RNGTT: variants seen among roughly 807,000 people sequenced by gnomAD.
The protein encoded by RNGTT is mRNA-capping enzyme.
RNGTT carries 33 observed loss-of-function variants against 79.3 expected under a neutral mutation model. The ratio of observed to expected loss-of-function variants is 0.42; its 90% CI spans 0.32 to 0.56. The LOEUF (loss-of-function observed/expected upper bound fraction) is 0.56. Among genes scored for constraint, RNGTT ranks in the 20% least tolerant of loss-of-function variants. RNGTT has a pLI of 0.17. For synonymous variants in RNGTT, 222 were observed against 235.9 expected (o/e 0.94, Z 0.54); for missense variants, 497 against 739.1 (o/e 0.67, Z 3.80).
intron 4 of RNGTT, among the ~76,000 whole-genome samples, chr6:88,913,227 C>CAAAAAAAAAAAAA (rs869096332): frequency 4.5e-5 from 5 of 110,266 alleles, no homozygotes; most frequent in Non-Finnish European, 7.5e-5. Context: ...AAAAAAAAAA[C>CAAAAAAAAAAAAA]AAAAAAAAAA....
chr6:88,616,620 T>A (rs1479272374), intron 14 of RNGTT, among the ~76,000 whole-genome samples: 1 of 152,184 alleles, frequency 6.6e-6, no homozygotes, highest in Non-Finnish European at 1.5e-5. Context: ...TATCTCATTG[T>A]GGTCTTGATT....
At chr6:88,827,139 A>G (rs1780694982) in intron 11 of RNGTT, among the ~76,000 whole-genome samples, 1 of 151,912 alleles carries the variant, frequency 6.6e-6, no homozygotes, top group South Asian at 2.1e-4. Context: ...TGCAGCTCCC[A>G]GCGAGATCAA....
intron 14 of RNGTT, among the ~76,000 whole-genome samples, chr6:88,645,432 A>G (rs374038769): frequency 3.4e-4 from 51 of 152,182 alleles, no homozygotes; most frequent in African/African-American, 1.2e-3. Flanking sequence ...TACTGCCCAA[A>G]GTAATTTATA....
intron 14 of RNGTT, among the ~76,000 whole-genome samples, chr6:88,662,150 A>G (rs1156296739): frequency 6.6e-6 from 1 of 152,256 alleles, no homozygotes; most frequent in Non-Finnish European, 1.5e-5. Flanking sequence ...CATAGAGGAA[A>G]CACACCTTTA....
intron 9 of RNGTT, 120 bp downstream of exon 9, chr6:88,853,504 CAAAAA>C (rs878907929): frequency 3.7e-4 from 164 of 442,754 alleles, no homozygotes; most frequent in Middle Eastern, 6.3e-4. Flanking sequence ...GACTCCGTCT[CAAAAA>C]AAAAAAAAAA....
chr6:88,620,783 A>G (rs1294196243), intron 14 of RNGTT, among the ~76,000 whole-genome samples: 1 of 152,244 alleles, frequency 6.6e-6, no homozygotes, highest in East Asian at 1.9e-4. Flanking sequence ...CAGTGACAGG[A>G]GTTGGACACC....
intron 4 of RNGTT, among the ~76,000 whole-genome samples, chr6:88,919,154 G>A (rs111516058): frequency 1.0e-3 from 152 of 152,054 alleles, no homozygotes; most frequent in Non-Finnish European, 2.0e-3. Flanking sequence ...CCATTAATTA[G>A]GTATACTACA....
At chr6:88,901,290 A>G (rs1783449205) in intron 6 of RNGTT, among the ~76,000 whole-genome samples, 1 of 152,084 alleles carries the variant, frequency 6.6e-6, no homozygotes, top group South Asian at 2.1e-4. Context: ...CTCCAACTAT[A>G]TATTTAAGAA....
intron 1 of RNGTT, among the ~76,000 whole-genome samples, chr6:88,943,820 A>G (rs1312845973): frequency 1.3e-5 from 2 of 152,182 alleles, no homozygotes; most frequent in East Asian, 3.8e-4. Flanking sequence ...AGTCCCCTGT[A>G]AATACCCTTA....
Position 88,929,081 on chromosome 6 carries a change from T to C in RNGTT, c.279-8A>G, listed in dbSNP as rs764676470. On this transcript the variant is annotated splice_region_variant and splice_polypyrimidine_tract_variant and intron_variant, in intron 3 of 15. Transcript: ENST00000369485. ...GTAGGGCACTCACCATGTCTAGTAA[T>C]ATAGAAAAAGTTTTTTTGAAAAAAG... The C allele has an allele frequency of 1.4e-5, 23 of 1,606,696 alleles. No homozygotes were observed. In the South Asian group the frequency reaches 2.1e-4, roughly 15 times the overall value.
At chr6:88,740,236 G>C (rs567224210) in intron 13 of RNGTT, among the ~76,000 whole-genome samples, 4 of 152,066 alleles carry the variant, frequency 2.6e-5, no homozygotes, top group African/African-American at 7.2e-5. Flanking sequence ...ATGAAAACGG[G>C]ATCAGGCATG....
intron 8 of RNGTT, among the ~76,000 whole-genome samples, chr6:88,855,632 C>T (rs1345754677): frequency 2.0e-5 from 3 of 152,014 alleles, no homozygotes; most frequent in Non-Finnish European, 2.9e-5. Context: ...GAGCTCAGGC[C>T]CTTGCTATAA....
rs117036296 is a variant in RNGTT at position 88,711,844 on chromosome 6, T to C, written c.1440-33425A>G. 8.1e-3 allele frequency among the ~76,000 whole-genome samples: 1,227 copies of C among 152,352 alleles called. 6 individuals carry two copies. Among genetic ancestry groups the C allele is most frequent in the Middle Eastern group, 0.034 (10 of 294 alleles). Reference sequence around the variant, plus strand: ...ACCTATTGTGTGGTAGGCACTGTTATAGTTGGATTGGATATCTAAATGGCA... The same window carrying C: ...ACCTATTGTGTGGTAGGCACTGTTACAGTTGGATTGGATATCTAAATGGCA... On this transcript the variant is annotated intron_variant, in intron 13 of 15. Coordinates refer to ENST00000369485, the MANE Select transcript of RNGTT (RefSeq NM_003800.5).
At chr6:88,844,635 T>C (rs531195771) in intron 10 of RNGTT, 114 bp from the exon 11 acceptor site, 2 of 959,156 alleles carry the variant, frequency 2.1e-6, no homozygotes, top group Admixed American at 2.5e-5. Context: ...TCCTCTGGAG[T>C]TATTCAGTGC....
intron 1 of RNGTT, among the ~76,000 whole-genome samples, chr6:88,943,935 G>A (rs1434289375): frequency 6.6e-6 from 1 of 152,194 alleles, no homozygotes; most frequent in Non-Finnish European, 1.5e-5. Flanking sequence ...ATATGTAGCT[G>A]AGGCTTCCTA....
At chr6:88,960,169 T>A (rs1166250877) in intron 1 of RNGTT, among the ~76,000 whole-genome samples, 2 of 152,248 alleles carry the variant, frequency 1.3e-5, no homozygotes, top group Non-Finnish European at 2.9e-5. Flanking sequence ...GATGGTTTGC[T>A]ACTCCCATGA....
At position 88,662,655 on chromosome 6, in the gene RNGTT, G is replaced by A. The variant is rs775895634; in HGVS notation, c.1506+15698C>T. ...GGACAGTTGAGGCAGCCTCTTAGGC[G>A]GCTTAGGCCTGCCCTGTGGAGCATC... On this transcript the variant is annotated intron_variant, in intron 14 of 15. Transcript: ENST00000369485. 3.1e-4 allele frequency among the ~76,000 whole-genome samples: 47 copies of A among 152,234 alleles called. 1 individual carries two copies. The highest frequency in any genetic ancestry group is 5.4e-4 in the Non-Finnish European group (37 of 68,044).
chr6:88,751,229 C>A (rs919612779), intron 13 of RNGTT, among the ~76,000 whole-genome samples: 1 of 152,050 alleles, frequency 6.6e-6, no homozygotes, highest in Non-Finnish European at 1.5e-5. Context: ...ACGTAATTTA[C>A]AGTTAATTTA....
chr6:88,779,731 G>A (rs995515644), intron 12 of RNGTT, among the ~76,000 whole-genome samples: 47 of 152,118 alleles, frequency 3.1e-4, no homozygotes, highest in Non-Finnish European at 2.9e-4. Flanking sequence ...AGTGGCTCAC[G>A]TCTGTAATCC....
Sources: allele counts gnomAD v4.1 joint callset (sites outside exome capture counted in the v4.1 genomes callset), GRCh38; gene constraint gnomAD v4.1.1; transcripts MANE v1.5; gene names NCBI Gene and HGNC (gene_info 2026-07-23, HGNC 2026-07-21).